The following SEMA6D variants were observed in gnomAD, a reference collection of about 807,000 sequenced individuals.
SEMA6D encodes semaphorin-6D.
Under a neutral mutation model 106.6 loss-of-function variants are expected in SEMA6D, and 35 were observed. The observed-to-expected ratio is 0.33, with a 90% CI of 0.25 to 0.44. The LOEUF is 0.44. Ranked by LOEUF, SEMA6D falls within the 20% of genes least tolerant of loss-of-function variation. SEMA6D has a pLI of 1.00. For synonymous variants in SEMA6D, 499 were observed against 487.7 expected (o/e 1.02, Z -0.31); for missense variants, 1,185 against 1,345.9 (o/e 0.88, Z 1.87).
chr15:47,637,567 G>A (rs945216964), intron 4 of SEMA6D, among the ~76,000 whole-genome samples: 11 of 152,156 alleles, frequency 7.2e-5, no homozygotes, highest in Non-Finnish European at 1.3e-4. Flanking sequence ...GCTCAGCATC[G>A]TGTCAGTTTT....
intron 2 of SEMA6D, among the ~76,000 whole-genome samples, chr15:47,431,699 C>G (rs1277837986): frequency 6.6e-6 from 1 of 152,072 alleles, no homozygotes; most frequent in African/African-American, 2.4e-5. Flanking sequence ...CCAAGGCCAC[C>G]CACAAAAATG....
intron 3 of SEMA6D, among the ~76,000 whole-genome samples, chr15:47,534,464 T>C (rs1457161129): frequency 1.3e-5 from 2 of 152,166 alleles, no homozygotes; most frequent in Non-Finnish European, 2.9e-5. Flanking sequence ...ATGACAGGCA[T>C]GAGCCACCAC....
chr15:47,651,118 C>G (rs1286756687), intron 4 of SEMA6D, among the ~76,000 whole-genome samples: 1 of 152,096 alleles, frequency 6.6e-6, no homozygotes, highest in African/African-American at 2.4e-5. Flanking sequence ...CCAAAAAATT[C>G]CTAAATTTGT....
At chr15:47,279,378 T>A (rs1481493983) in intron 1 of SEMA6D, among the ~76,000 whole-genome samples, 5 of 138,216 alleles carry the variant, frequency 3.6e-5, no homozygotes, top group Non-Finnish European at 7.6e-5. Flanking sequence ...ATTGATTTTG[T>A]ATCCTGAGAC....
rs145490264 is a variant in SEMA6D at position 47,369,193 on chromosome 15, G to C, written c.-238-43200G>C. Among the ~76,000 whole-genome samples, 6 of 152,294 alleles carry C rather than the reference G, an allele frequency of 3.9e-5. No individual in the cohort carries two copies. In the South Asian group the frequency reaches 1.0e-3, roughly 26 times the overall value. ...GGTCGTAATCTAGAACTGGTGACAT[G>C]GGACTGTTCTGTTTGTGAATATAAA... is the stretch of plus-strand genomic sequence containing the variant. On this transcript the variant is annotated intron_variant, in intron 1 of 19. Coordinates refer to the SEMA6D transcript ENST00000558014.
intron 1 of SEMA6D, among the ~76,000 whole-genome samples, chr15:47,343,634 AT>A (rs1287728726): frequency 6.6e-6 from 1 of 152,016 alleles, no homozygotes; most frequent in African/African-American, 2.4e-5. Context: ...TATGTGCCAC[AT>A]TTTCTTAATC....
At chr15:47,207,175 T>C (rs1381986057) in intron 1 of SEMA6D, among the ~76,000 whole-genome samples, 1 of 152,090 alleles carries the variant, frequency 6.6e-6, no homozygotes, top group African/African-American at 2.4e-5. Flanking sequence ...AAGAATACAG[T>C]CACTTGATTT....
At chr15:47,385,307 G>A (rs2039793082) in intron 1 of SEMA6D, among the ~76,000 whole-genome samples, 2 of 152,048 alleles carry the variant, frequency 1.3e-5, no homozygotes, top group South Asian at 4.1e-4. Context: ...CTTGTCTCAA[G>A]ACACATGAAT....
At chr15:47,743,842 C>T (rs1567060574) in intron 1 of SEMA6D, among the ~76,000 whole-genome samples, 6 of 152,060 alleles carry the variant, frequency 3.9e-5, no homozygotes. Context: ...CCTCTTGGCC[C>T]CATAGCTGTA....
intron 1 of SEMA6D, among the ~76,000 whole-genome samples, chr15:47,199,037 T>A (rs1468835470): frequency 6.6e-6 from 1 of 152,222 alleles, no homozygotes; most frequent in Non-Finnish European, 1.5e-5. Context: ...CTATTGGTTT[T>A]GCCTTTGTGC....
At chr15:47,304,276 T>G (rs2036139519) in intron 1 of SEMA6D, among the ~76,000 whole-genome samples, 1 of 151,596 alleles carries the variant, frequency 6.6e-6, no homozygotes, top group Non-Finnish European at 1.5e-5. Flanking sequence ...AAACCCTATC[T>G]CTACTGAAAA....
At chr15:47,206,179 T>G (rs1895047112) in intron 1 of SEMA6D, among the ~76,000 whole-genome samples, 1 of 152,212 alleles carries the variant, frequency 6.6e-6, no homozygotes, top group Non-Finnish European at 1.5e-5. Context: ...ATATCCAATA[T>G]GTATTAATGT....
intron 3 of SEMA6D, among the ~76,000 whole-genome samples, chr15:47,509,822 A>G (rs745744727): frequency 1.3e-5 from 2 of 152,242 alleles, no homozygotes; most frequent in Non-Finnish European, 2.9e-5. Flanking sequence ...GCAAATGTTC[A>G]GGCCATATCC....
chr15:47,313,471 T>A (rs1375951141), intron 1 of SEMA6D, among the ~76,000 whole-genome samples: 2 of 152,256 alleles, frequency 1.3e-5, no homozygotes, highest in Non-Finnish European at 2.9e-5. Context: ...GTGCTGAATA[T>A]TATTCTATTA....
At chr15:47,219,724 C>T (rs1040286143) in intron 1 of SEMA6D, among the ~76,000 whole-genome samples, 28 of 152,322 alleles carry the variant, frequency 1.8e-4, no homozygotes, top group Non-Finnish European at 3.2e-4. Context: ...ACATAACAAA[C>T]CACCCTCAAA....
intron 3 of SEMA6D, among the ~76,000 whole-genome samples, chr15:47,476,085 G>A (rs2042994453): frequency 6.6e-6 from 1 of 152,194 alleles, no homozygotes; most frequent in South Asian, 2.1e-4. Flanking sequence ...ACATATTCCA[G>A]GCAGAGGAAG....
intron 4 of SEMA6D, among the ~76,000 whole-genome samples, chr15:47,709,477 A>G (rs1415083109): frequency 2.0e-5 from 3 of 152,208 alleles, no homozygotes; most frequent in Non-Finnish European, 4.4e-5. Flanking sequence ...AATGCAAGGT[A>G]TTTCTCGTTT....
At chr15:47,525,947 G>A (rs2044741456) in intron 3 of SEMA6D, among the ~76,000 whole-genome samples, 1 of 152,138 alleles carries the variant, frequency 6.6e-6, no homozygotes, top group African/African-American at 2.4e-5. Flanking sequence ...CAGAAGGAAG[G>A]GGGAAGGCCA....
At chr15:47,542,328 A>G (rs2045380580) in intron 3 of SEMA6D, among the ~76,000 whole-genome samples, 1 of 152,200 alleles carries the variant, frequency 6.6e-6, no homozygotes, top group African/African-American at 2.4e-5. Flanking sequence ...GAGAACTTAT[A>G]TGCCTTTCTA....
Sources: allele counts gnomAD v4.1 joint callset (sites outside exome capture counted in the v4.1 genomes callset), GRCh38; gene constraint gnomAD v4.1.1; transcripts MANE v1.5; gene names NCBI Gene and HGNC (gene_info 2026-07-23, HGNC 2026-07-21).